CYFIP2: variants seen among roughly 807,000 people sequenced by gnomAD.
CYFIP2 encodes cytoplasmic FMR1 interacting protein 2, also known as cytoplasmic FMR1-interacting protein 2.
CYFIP2 carries 29 observed loss-of-function variants against 158.7 expected under a neutral mutation model. That is an observed-to-expected ratio of 0.18 (90% CI 0.14 to 0.25). The LOEUF is 0.25. CYFIP2 is among the 10% of genes least tolerant of loss of function. CYFIP2 has a pLI of 1.00. For synonymous variants in CYFIP2, 585 were observed against 617.6 expected, an observed-to-expected ratio of 0.95 and a Z score of 0.78; for missense variants, 852 against 1,639.5, an observed-to-expected ratio of 0.52 and a Z score of 8.29.
intron 22 of CYFIP2, among the ~76,000 whole-genome samples, chr5:157,339,854 GA>G (rs1246491217): frequency 6.6e-6 from 1 of 152,228 alleles, no homozygotes; most frequent in Non-Finnish European, 1.5e-5. Context: ...AGAAGTTGAT[GA>G]GGGTAAAACT....
chr5:157,293,205 G>A (rs1324499324), intron 3 of CYFIP2, among the ~76,000 whole-genome samples: 13 of 152,016 alleles, frequency 8.6e-5, no homozygotes, highest in African/African-American at 1.5e-4. Context: ...GCAGGCACCC[G>A]CCACCACACC....
At chr5:157,387,475 AGATT>A (rs1039637643) in intron 28 of CYFIP2, among the ~76,000 whole-genome samples, 1 of 152,242 alleles carries the variant, frequency 6.6e-6, no homozygotes, top group African/African-American at 2.4e-5. Flanking sequence ...AATGCACAGT[AGATT>A]AATTAGTAAA....
chr5:157,290,932 T>G (rs969018701), intron 3 of CYFIP2, among the ~76,000 whole-genome samples: 1 of 151,558 alleles, frequency 6.6e-6, no homozygotes, highest in Non-Finnish European at 1.5e-5. Flanking sequence ...TATGGAAGAG[T>G]TGAGGGTTCT....
intron 13 of CYFIP2, among the ~76,000 whole-genome samples, chr5:157,317,410 C>T (rs538221456): frequency 3.3e-5 from 5 of 152,190 alleles, no homozygotes; most frequent in African/African-American, 7.2e-5. Context: ...ACTTGTTAAG[C>T]GATTCCTTGT....
chr5:157,316,308 G>GT (rs542054766), intron 13 of CYFIP2, among the ~76,000 whole-genome samples: 11 of 152,006 alleles, frequency 7.2e-5, no homozygotes, highest in Admixed American at 2.6e-4. Context: ...GTCTAAATAC[G>GT]TATATCAACA....
chr5:157,365,444 C>T (rs1291129507), intron 26 of CYFIP2: 1 of 152,068 alleles, frequency 6.6e-6, no homozygotes, highest in Non-Finnish European at 1.5e-5. Context: ...TTAGTAGGTG[C>T]TTATAAATAT....
At chr5:157,314,188 T>C (rs148452736) in intron 11 of CYFIP2, among the ~76,000 whole-genome samples, 156 bp from the exon 12 acceptor site, 13 of 152,362 alleles carry the variant, frequency 8.5e-5, no homozygotes, top group Non-Finnish European at 1.8e-4. Flanking sequence ...TTATAAACCA[T>C]GTGGCCTTCA....
At chr5:157,370,632 A>G (rs750843992) in intron 26 of CYFIP2, among the ~76,000 whole-genome samples, 4 of 152,238 alleles carry the variant, frequency 2.6e-5, no homozygotes, top group Non-Finnish European at 4.4e-5. Context: ...CTGAAAAAGG[A>G]AAGAACTTGC....
In CYFIP2 at chr5:157,333,317, CTT is replaced by C; in HGVS notation, c.2266-9_2266-8del. On this transcript the variant is annotated splice_region_variant and splice_polypyrimidine_tract_variant and intron_variant, in intron 20 of 30. Coordinates refer to ENST00000620254, the MANE Select transcript of CYFIP2 (RefSeq NM_001037333.3). The stretch of plus-strand genomic sequence containing the variant: ...TTTTAAGTAACTTTTCTCTCTCTCT[CTT>C]CATCCAGCTGTTGGGTAGATCAATT... The C allele has an allele frequency of 6.2e-7, 1 of 1,613,838 alleles. No homozygotes were observed. Among genetic ancestry groups the C allele is most frequent in the Non-Finnish European group, 8.5e-7 (1 of 1,179,794 alleles).
chr5:157,330,115 C>G (rs1561733911), intron 19 of CYFIP2, among the ~76,000 whole-genome samples: 1 of 152,182 alleles, frequency 6.6e-6, no homozygotes, highest in Admixed American at 6.5e-5. Flanking sequence ...TTTAGAGAGA[C>G]TTTGGACTTC....
At chr5:157,343,627 T>C in intron 23 of CYFIP2, 4 of 1,095,692 alleles carry the variant, frequency 3.7e-6, no homozygotes, top group Non-Finnish European at 5.2e-6. Context: ...TTATTGCACA[T>C]TTGAGACGGG....
intron 23 of CYFIP2, among the ~76,000 whole-genome samples, chr5:157,357,294 G>A (rs111749318): frequency 5.5e-4 from 83 of 152,254 alleles, no homozygotes; most frequent in African/African-American, 1.9e-3. Context: ...TCATACATAC[G>A]TACCTAATTC....
intron 9 of CYFIP2, among the ~76,000 whole-genome samples, chr5:157,309,165 G>C (rs1369413401): frequency 6.6e-6 from 1 of 152,224 alleles, no homozygotes; most frequent in Non-Finnish European, 1.5e-5. Context: ...GGGCTATTGT[G>C]TGGCTTGAGA....
rs1222017704 is a variant in CYFIP2 at position 157,266,571 on chromosome 5, A to G, written c.-24+376A>G. Reference sequence around the variant, plus strand: ...CGGCCGCGAGCCCGGCAGCGGCGACATCCTCGAGTCCAGGTACTGCAGAGC... The same window carrying G: ...CGGCCGCGAGCCCGGCAGCGGCGACGTCCTCGAGTCCAGGTACTGCAGAGC... On this transcript the variant is annotated intron_variant, in intron 1 of 30. Transcript: ENST00000620254. The surrounding 1 kb of genome is among the most constrained non-coding windows in gnomAD (Gnocchi z 4.2). The G allele has an allele frequency of 6.6e-6, 1 of 152,376 alleles. No individual in the cohort carries two copies. Among genetic ancestry groups the G allele is most frequent in the East Asian group, 1.9e-4 (1 of 5,176 alleles). 9.4% of individuals were successfully genotyped at this position (152,376 alleles called of 1,614,324 possible).
intron 1 of CYFIP2, chr5:157,271,619 A>G (rs533167765): frequency 6.6e-6 from 1 of 152,364 alleles, no homozygotes; most frequent in Admixed American, 6.5e-5. Flanking sequence ...GTTACCCGCA[A>G]TAACCTTCAC....
intron 26 of CYFIP2, chr5:157,363,977 C>A (rs1050578225): frequency 1.3e-5 from 2 of 152,060 alleles, no homozygotes; most frequent in African/African-American, 4.8e-5. Context: ...TCAGACTCTC[C>A]CTGAGAGGCT....
chr5:157,368,652 A>G (rs1279221129), intron 26 of CYFIP2, among the ~76,000 whole-genome samples: 1 of 124,580 alleles, frequency 8.0e-6, no homozygotes, highest in Non-Finnish European at 1.8e-5. Context: ...CTTTTCAGAA[A>G]TGGCCTTATC....
intron 8 of CYFIP2, 51 bp downstream of exon 8, chr5:157,304,417 C>T: frequency 6.5e-7 from 1 of 1,544,068 alleles, no homozygotes; most frequent in Admixed American, 2.1e-5. Flanking sequence ...ACCCTCTCAC[C>T]TTCTTCTTAT....
intron 26 of CYFIP2, among the ~76,000 whole-genome samples, chr5:157,379,218 T>C (rs1248008189): frequency 6.6e-6 from 1 of 152,202 alleles, no homozygotes. Flanking sequence ...ATATTACTGC[T>C]TCTGTTGTTT....
Sources: allele counts gnomAD v4.1 joint callset (sites outside exome capture counted in the v4.1 genomes callset), GRCh38; gene constraint gnomAD v4.1.1; non-coding constraint Gnocchi (gnomAD v3.1); transcripts MANE v1.5; gene names NCBI Gene and HGNC (gene_info 2026-07-23, HGNC 2026-07-21).